The following NCKAP5 variants were observed in gnomAD, a reference collection of about 807,000 sequenced individuals.
The protein encoded by NCKAP5 is NCK associated protein 5.
Under a neutral mutation model 167.0 loss-of-function variants are expected in NCKAP5, and 92 were observed. That is an observed-to-expected ratio of 0.55 (90% CI 0.47 to 0.66). NCKAP5 has a LOEUF of 0.66. Ranked by LOEUF, NCKAP5 falls within the 30% of genes least tolerant of loss-of-function variation. The probability of loss-of-function intolerance (pLI) is 0.00; values close to 1 mark genes in which losing one functional copy is unlikely to be tolerated. For missense variants in NCKAP5, 2,378 were observed against 2,315.0 expected (o/e 1.03, Z -0.56); for synonymous variants, 891 against 877.4 (o/e 1.02, Z -0.27).
intron 2 of NCKAP5, among the ~76,000 whole-genome samples, chr2:133,543,929 C>T (rs1686437683): frequency 6.6e-6 from 1 of 152,188 alleles, no homozygotes; most frequent in African/African-American, 2.4e-5. Flanking sequence ...GAACAGAAGC[C>T]ACAGCTCATT....
At chr2:133,556,604 G>A (rs1327053909) in intron 2 of NCKAP5, 1 of 152,194 alleles carries the variant, frequency 6.6e-6, no homozygotes, top group South Asian at 2.1e-4. Flanking sequence ...TCCTTAGCAA[G>A]TGCAGATGAA....
the NCKAP5 span, among the ~76,000 whole-genome samples, chr2:133,646,954 C>T: frequency 8.6e-5 from 13 of 150,528 alleles, no homozygotes; most frequent in South Asian, 8.4e-4. Flanking sequence ...CCAAGGTAAC[C>T]GCAAAAAAAT....
chr2:132,992,547 C>T (rs1305147290), intron 7 of NCKAP5, among the ~76,000 whole-genome samples: 1 of 152,230 alleles, frequency 6.6e-6, no homozygotes, highest in Non-Finnish European at 1.5e-5. Flanking sequence ...ATTTACTTCA[C>T]AGATTCATAT....
chr2:133,040,370 T>C (rs933581591), intron 6 of NCKAP5, among the ~76,000 whole-genome samples: 5 of 152,144 alleles, frequency 3.3e-5, no homozygotes, highest in Non-Finnish European at 7.4e-5. Context: ...TAGTATTTCT[T>C]ACATCCCACA....
intron 8 of NCKAP5, chr2:132,926,202 G>T (rs1207428922): frequency 2.5e-6 from 1 of 398,060 alleles, no homozygotes; most frequent in South Asian, 2.0e-5. Flanking sequence ...TTCCATCCAT[G>T]TTTCTGCAAA....
At chr2:133,245,977 A>C (rs1024564606) in intron 4 of NCKAP5, among the ~76,000 whole-genome samples, 1 of 151,974 alleles carries the variant, frequency 6.6e-6, no homozygotes. Context: ...GTCAACTAGC[A>C]TATGTTGCAA....
the NCKAP5 span, among the ~76,000 whole-genome samples, chr2:133,661,362 G>T: frequency 1.8e-4 from 27 of 152,236 alleles, no homozygotes; most frequent in South Asian, 6.2e-4. Flanking sequence ...TTTGCCATCA[G>T]ATATATTTTG....
chr2:132,695,781 C>T (rs1041062620), intron 19 of NCKAP5, among the ~76,000 whole-genome samples: 2 of 152,120 alleles, frequency 1.3e-5, no homozygotes, highest in African/African-American at 4.8e-5. Context: ...TTTGCATTTC[C>T]CCCATCTGTC....
At position 132,784,413 on chromosome 2, in the gene NCKAP5, G is replaced by T; in HGVS notation, c.2398C>A (p.Leu800Met). 1 of 1,613,136 alleles carries T rather than the reference G, an allele frequency of 6.2e-7. No homozygotes were observed. ...APMGIYQKQN[L>M]TKIPPRGKSS... ...TTGCCCCTGGGAGGTATTTTTGTCA[G>T]ATTTTGCTTTTGATAGATGCCCATG... The change falls in exon 14 of 20, where the codon CTG (leucine) becomes ATG (methionine). Residue 800 changes from leucine to methionine, a missense_variant. By Grantham distance (15) the Leu-to-Met change is conservative. This residue lies in a region of NCKAP5 where 1,049 missense variants were observed against 1,023.4 expected (regional missense o/e 1.02). Transcript: ENST00000409261.
intron 5 of NCKAP5, among the ~76,000 whole-genome samples, chr2:133,167,371 T>C (rs1282665602): frequency 6.6e-6 from 1 of 152,138 alleles, no homozygotes; most frequent in Non-Finnish European, 1.5e-5. Context: ...ATAATCCCAG[T>C]GTAAGTCATT....
chr2:132,922,465 A>G (rs1031073882), intron 8 of NCKAP5, among the ~76,000 whole-genome samples: 2 of 152,112 alleles, frequency 1.3e-5, no homozygotes, highest in African/African-American at 2.4e-5. Flanking sequence ...TGAGACCCCA[A>G]AGGTTTTAGG....
intron 3 of NCKAP5, among the ~76,000 whole-genome samples, chr2:133,446,794 A>G (rs567563952): frequency 6.6e-6 from 1 of 152,270 alleles, no homozygotes; most frequent in East Asian, 1.9e-4. Context: ...TGAGACAACC[A>G]TGGGAGAGAG....
chr2:132,673,346 G>T, intron 19 of NCKAP5, 41 bp from the exon 20 acceptor site: 3 of 1,360,488 alleles, frequency 2.2e-6, no homozygotes, highest in South Asian at 1.4e-5. Flanking sequence ...ATATTTCTTT[G>T]GAAAATCAAG....
intron 3 of NCKAP5, among the ~76,000 whole-genome samples, chr2:133,413,782 C>T (rs971918992): frequency 1.3e-5 from 2 of 152,310 alleles, no homozygotes; most frequent in South Asian, 2.1e-4. Flanking sequence ...GCATCTGATG[C>T]CTTCAGACAG....
chr2:133,545,417 C>T (rs1575133554), intron 2 of NCKAP5, among the ~76,000 whole-genome samples: 1 of 152,076 alleles, frequency 6.6e-6, no homozygotes, highest in East Asian at 1.9e-4. Flanking sequence ...TAGGAAGCTG[C>T]TGTCCAAGGC....
At chr2:132,934,563 C>A (rs545815665) in intron 8 of NCKAP5, among the ~76,000 whole-genome samples, 40 of 152,166 alleles carry the variant, frequency 2.6e-4, no homozygotes, top group Non-Finnish European at 5.0e-4. Context: ...GAGAGTGAGA[C>A]TCTGTCTCGA....
At chr2:133,041,258 A>G (rs2079210051) in intron 6 of NCKAP5, among the ~76,000 whole-genome samples, 1 of 152,154 alleles carries the variant, frequency 6.6e-6, no homozygotes, top group Non-Finnish European at 1.5e-5. Context: ...CTGAGGACTC[A>G]GTATAGCATC....
At chr2:132,935,198 A>G (rs1004343112) in intron 8 of NCKAP5, among the ~76,000 whole-genome samples, 4 of 152,318 alleles carry the variant, frequency 2.6e-5, no homozygotes, top group Non-Finnish European at 5.9e-5. Flanking sequence ...GTAGATTTGT[A>G]GATTGGATTG....
chr2:133,325,690 T>G (rs921045387), intron 3 of NCKAP5, among the ~76,000 whole-genome samples: 2 of 152,178 alleles, frequency 1.3e-5, no homozygotes, highest in African/African-American at 2.4e-5. Flanking sequence ...AGGGTAGAGT[T>G]TGTGACCTGA....
Sources: gnomAD v4.1 joint callset for allele counts (sites outside exome capture counted in the v4.1 genomes callset) on GRCh38, gnomAD v4.1.1 for gene constraint, gnomAD v4.1.1 regional missense constraint, MANE v1.5 for transcripts, NCBI Gene and HGNC (gene_info 2026-07-23, HGNC 2026-07-21) for gene names.